Variants in KIRREL3 observed in about 807,000 individuals in gnomAD.
The protein encoded by KIRREL3 is kirre like nephrin family adhesion molecule 3.
Under a neutral mutation model 89.7 loss-of-function variants are expected in KIRREL3, and 36 were observed. That is an observed-to-expected ratio of 0.40 (90% CI 0.31 to 0.53). The LOEUF (loss-of-function observed/expected upper bound fraction) is 0.53. Among genes scored for constraint, KIRREL3 ranks in the 20% least tolerant of loss-of-function variants. KIRREL3 has a pLI of 0.49. For synonymous variants in KIRREL3, 445 were observed against 441.4 expected, an observed-to-expected ratio of 1.01 and a Z score of -0.10; for missense variants, 864 against 1,056.6, an observed-to-expected ratio of 0.82 and a Z score of 2.53.
intron 1 of KIRREL3, among the ~76,000 whole-genome samples, chr11:126,901,597 T>C (rs1349801519): frequency 6.6e-6 from 1 of 152,180 alleles, no homozygotes; most frequent in Admixed American, 6.5e-5. Context: ...GCTGGCAACC[T>C]CTTGGTGGTG....
Position 126,628,746 on chromosome 11 carries a change from T to C in KIRREL3, c.56-65834A>G, listed in dbSNP as rs1311549251. On this transcript the variant is annotated intron_variant, in intron 1 of 16. Transcript: ENST00000525144. The surrounding 1 kb of genome is among the most constrained non-coding windows in gnomAD (Gnocchi z 5.2). ...TCTCACCCCTTCCCATCTTTCCTAT[T>C]CATCAGATTTCCTGGAGCCCAGCCT... Among the ~76,000 whole-genome samples the C allele has an allele frequency of 2.0e-5, 3 of 152,182 alleles. No homozygotes were observed. The South Asian group carries it at 6.2e-4, about 32-fold the overall frequency.
Position 126,627,354 on chromosome 11 carries a change from C to T in KIRREL3, c.56-64442G>A, listed in dbSNP as rs748397620. Among the ~76,000 whole-genome samples, 21 of 152,282 alleles carry T rather than the reference C, an allele frequency of 1.4e-4. No individual in the cohort carries two copies. Among genetic ancestry groups the T allele is most frequent in the Non-Finnish European group, 2.5e-4 (17 of 68,018 alleles). On this transcript the variant is annotated intron_variant, in intron 1 of 16. Transcript: ENST00000525144. The surrounding 1 kb of genome is among the most constrained non-coding windows in gnomAD (Gnocchi z 5.0). ...TGAAAACCATGTTGAAGCATGGTGA[C>T]CTGGTCTGTGTTCCTATAGGCCGCC...
intron 1 of KIRREL3, among the ~76,000 whole-genome samples, chr11:126,864,770 T>C (rs1944863463): frequency 6.6e-6 from 1 of 152,184 alleles, no homozygotes; most frequent in Non-Finnish European, 1.5e-5. Flanking sequence ...TAAATTGCCT[T>C]GAGTGCATGC....
intron 4 of KIRREL3, among the ~76,000 whole-genome samples, chr11:126,497,201 T>A (rs28474802): frequency 2.6e-5 from 1 of 38,862 alleles, no homozygotes. Context: ...TGAGTGTGTG[T>A]GAGTGTGAGT....
rs576507098 is a variant in KIRREL3 at position 126,459,067 on chromosome 11, G to T, written c.743-2613C>A. On this transcript the variant is annotated intron_variant, in intron 6 of 16. Coordinates refer to ENST00000525144, the MANE Select transcript of KIRREL3 (RefSeq NM_032531.4). This position sits in a 1 kb window ranked among gnomAD's most constrained non-coding sequence, Gnocchi z 4.8. The stretch of plus-strand genomic sequence containing the variant: ...GGTGGGGCAGAGGAGCTTGGGAATC[G>T]CCACCGGATCCAAACGCATTGCTGG... Among the ~76,000 whole-genome samples the T allele has an allele frequency of 6.6e-6, 1 of 151,958 alleles. No homozygotes were observed. The highest frequency in any genetic ancestry group is 2.4e-5 in the African/African-American group (1 of 41,358).
chr11:126,460,573 G>T (rs1044541575), intron 6 of KIRREL3, among the ~76,000 whole-genome samples: 2 of 152,218 alleles, frequency 1.3e-5, no homozygotes, highest in Non-Finnish European at 2.9e-5. Flanking sequence ...TGGGCCCCAA[G>T]TGTCACTCTG....
At chr11:126,928,018 C>T (rs926871002) in intron 1 of KIRREL3, among the ~76,000 whole-genome samples, 9 of 152,224 alleles carry the variant, frequency 5.9e-5, no homozygotes, top group Non-Finnish European at 2.9e-5. Context: ...GTTGAGTGCT[C>T]CTGTGCTTCT....
At position 126,683,980 on chromosome 11, in the gene KIRREL3, G is replaced by A. The variant is rs1442798317; in HGVS notation, c.56-121068C>T. Among the ~76,000 whole-genome samples, 1 of 152,252 alleles carries A rather than the reference G, an allele frequency of 6.6e-6. No individual in the cohort carries two copies. Among genetic ancestry groups the A allele is most frequent in the Non-Finnish European group, 1.5e-5 (1 of 68,038 alleles). On this transcript the variant is annotated intron_variant, in intron 1 of 16. Coordinates refer to ENST00000525144, the MANE Select transcript of KIRREL3 (RefSeq NM_032531.4). The surrounding 1 kb of genome is among the most constrained non-coding windows in gnomAD (Gnocchi z 5.2). ...GTCCCTTACAGGGTGGTGGGACCCAGGGCCCAGGGTTTGGCTCCGGGTTTT... is the reference window on the plus strand; with the variant it reads ...GTCCCTTACAGGGTGGTGGGACCCAAGGCCCAGGGTTTGGCTCCGGGTTTT...
rs187603249 is a variant in KIRREL3 at position 126,468,665 on chromosome 11, C to T, written c.591+4644G>A. 5.3e-3 allele frequency among the ~76,000 whole-genome samples: 813 copies of T among 152,364 alleles called. 6 individuals carry two copies. Among genetic ancestry groups the T allele is most frequent in the Admixed American group, 8.9e-3 (137 of 15,310 alleles). On this transcript the variant is annotated intron_variant, in intron 5 of 16. Coordinates refer to ENST00000525144, the MANE Select transcript of KIRREL3 (RefSeq NM_032531.4). ...GGTGTTTTATGAAATAGCTGTATGA[C>T]CCCTGGGGCAGGGAACTGGGGTTCC...
rs531622738 is a variant in KIRREL3 at position 126,996,632 on chromosome 11, A to G, written c.55+3823T>C. Reference sequence around the variant, plus strand: ...GAGATGCCTTTCTATTCCCTAGGAGATTCAGATCACCATGACCCTCTGCCC... The same window carrying G: ...GAGATGCCTTTCTATTCCCTAGGAGGTTCAGATCACCATGACCCTCTGCCC... On this transcript the variant is annotated intron_variant, in intron 1 of 16. Coordinates refer to ENST00000525144, the MANE Select transcript of KIRREL3 (RefSeq NM_032531.4). This position sits in a 1 kb window ranked among gnomAD's most constrained non-coding sequence, Gnocchi z 4.7. Among the ~76,000 whole-genome samples, 5 of 151,992 alleles carry G rather than the reference A, an allele frequency of 3.3e-5. No homozygotes were observed. In the East Asian group the frequency reaches 9.7e-4, roughly 29 times the overall value.
chr11:126,913,648 T>C (rs955729323), intron 1 of KIRREL3, among the ~76,000 whole-genome samples: 1 of 152,264 alleles, frequency 6.6e-6, no homozygotes, highest in Non-Finnish European at 1.5e-5. Flanking sequence ...CTTCTGGTTA[T>C]GCTAGTCAAC....
At chr11:126,604,911 A>G (rs1942825231) in intron 1 of KIRREL3, among the ~76,000 whole-genome samples, 1 of 152,248 alleles carries the variant, frequency 6.6e-6, no homozygotes, top group South Asian at 2.1e-4. Flanking sequence ...TGGGGACAAA[A>G]GAGAAATCAG....
At position 126,513,570 on chromosome 11, in the gene KIRREL3, AC is replaced by A. The variant is rs2134404962; in HGVS notation, c.433+7744del. Reference sequence around the variant, plus strand: ...TTTAATGCTTGAGTGTCCTGCCCCCACCTCATTTCCCAACATGAGGGACGAC... The same window carrying A: ...TTTAATGCTTGAGTGTCCTGCCCCCACTCATTTCCCAACATGAGGGACGAC... On this transcript the variant is annotated intron_variant, in intron 4 of 16. Coordinates refer to ENST00000525144, the MANE Select transcript of KIRREL3 (RefSeq NM_032531.4). This position sits in a 1 kb window ranked among gnomAD's most constrained non-coding sequence, Gnocchi z 5.9. Among the ~76,000 whole-genome samples the A allele has an allele frequency of 6.6e-6, 1 of 152,058 alleles. No homozygotes were observed. Among genetic ancestry groups the A allele is most frequent in the African/African-American group, 2.4e-5 (1 of 41,486 alleles).
Position 126,668,147 on chromosome 11 carries a change from A to T in KIRREL3, c.56-105235T>A, listed in dbSNP as rs886700366. On this transcript the variant is annotated intron_variant, in intron 1 of 16. Transcript: ENST00000525144. This position sits in a 1 kb window ranked among gnomAD's most constrained non-coding sequence, Gnocchi z 4.4. The stretch of plus-strand genomic sequence containing the variant: ...AACAACAGAAATTTATTTCTTACAG[A>T]TCTAGAGGCTGAAAGATCAAGATCA... Among the ~76,000 whole-genome samples the T allele has an allele frequency of 6.6e-6, 1 of 152,152 alleles. No homozygotes were observed. The highest frequency in any genetic ancestry group is 6.5e-5 in the Admixed American group (1 of 15,270).
chr11:126,478,614 TGTGTGTATGTGTGTATGC>T (rs1957134588), intron 4 of KIRREL3, among the ~76,000 whole-genome samples: 2 of 107,692 alleles, frequency 1.9e-5, no homozygotes, highest in Admixed American at 1.3e-4. Context: ...TGCATGTATA[TGTGTGTATGTGTGTATGC>T]GTGTGTATGT....
At chr11:126,665,706 T>C (rs1945630808) in intron 1 of KIRREL3, among the ~76,000 whole-genome samples, 1 of 152,208 alleles carries the variant, frequency 6.6e-6, no homozygotes, top group South Asian at 2.1e-4. Context: ...ATTTCTGTTG[T>C]TCAGTCTAAG....
rs1190896011 is a variant in KIRREL3 at position 126,432,596 on chromosome 11, C to T, written c.1589-1070G>A. Among the ~76,000 whole-genome samples, 3 of 152,264 alleles carry T rather than the reference C, an allele frequency of 2.0e-5. No individual in the cohort carries two copies. Among genetic ancestry groups the T allele is most frequent in the Middle Eastern group, 3.4e-3 (1 of 294 alleles). ...CCCTCCACTCACCCCACTCCCACCC[C>T]GTCCAGCTCCACCCACAGAGTGACA... On this transcript the variant is annotated intron_variant, in intron 13 of 16. Transcript: ENST00000525144. The surrounding 1 kb of genome is among the most constrained non-coding windows in gnomAD (Gnocchi z 6.2).
chr11:126,741,576 T>C (rs916497209), intron 1 of KIRREL3, among the ~76,000 whole-genome samples: 12 of 152,272 alleles, frequency 7.9e-5, no homozygotes, highest in Middle Eastern at 3.4e-3. Context: ...ACAAGGGCCA[T>C]AGGATGAATG....
chr11:126,473,941 G>A (rs1459381331), intron 4 of KIRREL3, among the ~76,000 whole-genome samples: 3 of 150,918 alleles, frequency 2.0e-5, no homozygotes, highest in Non-Finnish European at 4.4e-5. Flanking sequence ...CTACAAGCAC[G>A]TGGTACCATG....
Sources: allele counts gnomAD v4.1 joint callset (sites outside exome capture counted in the v4.1 genomes callset), GRCh38; gene constraint gnomAD v4.1.1; non-coding constraint Gnocchi (gnomAD v3.1); transcripts MANE v1.5; gene names NCBI Gene and HGNC (gene_info 2026-07-23, HGNC 2026-07-21).